PDE3B: variants seen among roughly 807,000 people sequenced by gnomAD.
The protein encoded by PDE3B is phosphodiesterase 3B, also known as cGMP-inhibited 3',5'-cyclic phosphodiesterase 3B.
A neutral mutation model predicts 116.8 loss-of-function variants in PDE3B; 66 were observed. The ratio of observed to expected loss-of-function variants is 0.56; its 90% CI spans 0.46 to 0.69. The LOEUF is 0.69. Among genes scored for constraint, PDE3B ranks in the 30% least tolerant of loss-of-function variants. The pLI is 0.00. For missense variants in PDE3B, 1,384 were observed against 1,368.1 expected (o/e 1.01, Z -0.18); for synonymous variants, 595 against 533.6 (o/e 1.12, Z -1.59).
chr11:14,807,171 G>A (rs1399755764), intron 5 of PDE3B, among the ~76,000 whole-genome samples: 4 of 152,102 alleles, frequency 2.6e-5, no homozygotes, highest in Non-Finnish European at 4.4e-5. Flanking sequence ...ACGAGTTGAT[G>A]CATGCAGCAA....
At chr11:14,847,731 A>T (rs1847642522) in intron 12 of PDE3B, among the ~76,000 whole-genome samples, 2 of 152,238 alleles carry the variant, frequency 1.3e-5, no homozygotes, top group South Asian at 4.1e-4. Context: ...TAAACTAGAA[A>T]ATCTAGAAGA....
the PDE3B span, chr11:14,887,579 T>G: frequency 2.0e-6 from 2 of 984,698 alleles, no homozygotes; most frequent in Non-Finnish European, 2.4e-6. Flanking sequence ...TATGGGCTAA[T>G]TATAATGCTG....
chr11:14,742,077 G>A (rs1351559351), intron 1 of PDE3B, among the ~76,000 whole-genome samples: 1 of 151,948 alleles, frequency 6.6e-6, no homozygotes, highest in Non-Finnish European at 1.5e-5. Flanking sequence ...TTGGGGTTGT[G>A]CTTCTTGAGG....
At chr11:14,754,982 T>C (rs1217462318) in intron 1 of PDE3B, among the ~76,000 whole-genome samples, 1 of 152,142 alleles carries the variant, frequency 6.6e-6, no homozygotes, top group East Asian at 1.9e-4. Context: ...AGGACTGAGA[T>C]TGAAATTTTT....
At position 14,809,656 on chromosome 11, in the gene PDE3B, C is replaced by T. The variant is rs1426871536; in HGVS notation, c.1522+5606C>T. On this transcript the variant is annotated intron_variant, in intron 5 of 15. Coordinates refer to ENST00000282096, the MANE Select transcript of PDE3B (RefSeq NM_000922.4). ...AAGAGATGGGGCCTTTTGGAGATGA[C>T]TAAGCATGAGGTTGGAGCCTTTGTG... is the stretch of plus-strand genomic sequence containing the variant. 5.3e-5 allele frequency among the ~76,000 whole-genome samples: 8 copies of T among 152,180 alleles called. No individual in the cohort carries two copies. The South Asian group carries it at 8.3e-4, about 16-fold the overall frequency.
intron 1 of PDE3B, among the ~76,000 whole-genome samples, chr11:14,648,389 AAG>A (rs1045912158): frequency 2.0e-5 from 3 of 152,098 alleles, no homozygotes; most frequent in South Asian, 4.1e-4. Flanking sequence ...GAGCCTAAAA[AAG>A]AGAGTTTTTT....
intron 14 of PDE3B, among the ~76,000 whole-genome samples, chr11:14,862,375 T>G (rs1847967501): frequency 6.6e-6 from 1 of 152,142 alleles, no homozygotes; most frequent in Admixed American, 6.5e-5. Flanking sequence ...TATTTCCAGA[T>G]GAAGTGGTTT....
chr11:14,718,687 A>C, intron 1 of PDE3B, among the ~76,000 whole-genome samples: 1 of 151,052 alleles, frequency 6.6e-6, no homozygotes, highest in African/African-American at 2.4e-5. Context: ...TACATAATGA[A>C]ATGAAGGCAG....
At chr11:14,880,107 G>T in the PDE3B span, 2 of 1,610,610 alleles carry the variant, frequency 1.2e-6, no homozygotes, top group South Asian at 2.2e-5. Context: ...TGTAAGGATA[G>T]ACCCTGAGAT....
chr11:14,836,238 T>C (rs1860049156), intron 11 of PDE3B, among the ~76,000 whole-genome samples: 2 of 152,198 alleles, frequency 1.3e-5, no homozygotes, highest in Non-Finnish European at 2.9e-5. Context: ...ATTTATATTT[T>C]AGCATGTTTG....
chr11:14,671,621 G>A (rs1462500445), intron 1 of PDE3B, among the ~76,000 whole-genome samples: 1 of 152,114 alleles, frequency 6.6e-6, no homozygotes, highest in Non-Finnish European at 1.5e-5. Flanking sequence ...TAGCTAGAGT[G>A]GAAGCAGGAA....
chr11:14,832,444 T>G (rs144107905), intron 9 of PDE3B, among the ~76,000 whole-genome samples: 1 of 152,322 alleles, frequency 6.6e-6, no homozygotes, highest in Admixed American at 6.5e-5. Context: ...TGACCTTCAG[T>G]AAATTAGGAA....
At chr11:14,759,599 A>C (rs1423168135) in intron 1 of PDE3B, among the ~76,000 whole-genome samples, 2 of 131,580 alleles carry the variant, frequency 1.5e-5, no homozygotes, top group African/African-American at 6.0e-5. Flanking sequence ...GCCTGGTTGG[A>C]GTGCAGTGGC....
intron 4 of PDE3B, among the ~76,000 whole-genome samples, chr11:14,801,160 C>A (rs1361836534): frequency 6.6e-6 from 1 of 152,152 alleles, no homozygotes; most frequent in African/African-American, 2.4e-5. Flanking sequence ...TCTGTCAGTT[C>A]ATCAAACTCA....
intron 1 of PDE3B, among the ~76,000 whole-genome samples, chr11:14,739,194 A>G (rs961599467): frequency 2.0e-5 from 3 of 152,238 alleles, no homozygotes; most frequent in Non-Finnish European, 4.4e-5. Flanking sequence ...TACCTTGGAC[A>G]GTATGGCCCT....
At chr11:14,678,352 A>C (rs915699063) in intron 1 of PDE3B, among the ~76,000 whole-genome samples, 2 of 152,122 alleles carry the variant, frequency 1.3e-5, no homozygotes, top group African/African-American at 4.8e-5. Flanking sequence ...CTCTAGTGTA[A>C]TACCTGAGAG....
the PDE3B span, among the ~76,000 whole-genome samples, chr11:14,898,199 A>G: frequency 7.3e-5 from 11 of 151,520 alleles, no homozygotes; most frequent in African/African-American, 2.4e-4. Context: ...TCGGACAACC[A>G]CACTGGGAAG....
chr11:14,679,845 CAAAG>C (rs1378999281), intron 1 of PDE3B, among the ~76,000 whole-genome samples: 3 of 152,020 alleles, frequency 2.0e-5, no homozygotes, highest in Admixed American at 2.0e-4. Flanking sequence ...CGGAATGGAG[CAAAG>C]TCCACTTTGC....
the PDE3B span, chr11:14,887,338 G>GT: frequency 6.6e-6 from 1 of 152,394 alleles, no homozygotes; most frequent in Admixed American, 6.5e-5. Flanking sequence ...TGAGAAAGTT[G>GT]TTACACAATC....
Sources: allele counts gnomAD v4.1 joint callset (sites outside exome capture counted in the v4.1 genomes callset), GRCh38; gene constraint gnomAD v4.1.1; transcripts MANE v1.5; gene names NCBI Gene and HGNC (gene_info 2026-07-23, HGNC 2026-07-21).